The following IFIT3 variants were observed in gnomAD, a reference collection of about 807,000 sequenced individuals.
IFIT3 encodes interferon-induced protein with tetratricopeptide repeats 3.
IFIT3 carries 2 observed loss-of-function variants against 2.4 expected under a neutral mutation model. The ratio of observed to expected loss-of-function variants is 0.82; its 90% confidence interval spans 0.34 to 2.60. The LOEUF (loss-of-function observed/expected upper bound fraction) is 2.60, where lower values mean the gene tolerates loss of function less well. Among genes scored for constraint, IFIT3 ranks in the 30% most tolerant of loss-of-function variants. IFIT3 has a pLI of 0.11. For synonymous variants in IFIT3, 203 were observed against 212.1 expected (o/e 0.96, Z 0.37); for missense variants, 481 against 562.4 (o/e 0.86, Z 1.46).
intron 1 of IFIT3, among the ~76,000 whole-genome samples, chr10:89,331,608 C>T (rs1237231893): frequency 6.6e-6 from 1 of 152,082 alleles, no homozygotes; most frequent in Non-Finnish European, 1.5e-5. Flanking sequence ...ACCCATAAGC[C>T]CAACACTTTG....
chr10:89,336,993 T>C (rs1367610691), intron 1 of IFIT3, among the ~76,000 whole-genome samples: 1 of 152,222 alleles, frequency 6.6e-6, no homozygotes, highest in Non-Finnish European at 1.5e-5. Context: ...CTTTAGTATC[T>C]TCCAACTACA....
chr10:89,330,806 A>G (rs1345426363), intron 1 of IFIT3, among the ~76,000 whole-genome samples: 3 of 152,208 alleles, frequency 2.0e-5, no homozygotes, highest in African/African-American at 7.2e-5. Flanking sequence ...AATAAAGGGG[A>G]AAACTGCTTT....
At chr10:89,330,122 A>G (rs905986337) in intron 1 of IFIT3, among the ~76,000 whole-genome samples, 14 of 152,178 alleles carry the variant, frequency 9.2e-5, no homozygotes, top group African/African-American at 3.4e-4. Context: ...GGCCATCTGG[A>G]TGTGTACATG....
At position 89,339,635 on chromosome 10, in the gene IFIT3, A is replaced by G. The variant is rs1843819288; in HGVS notation, c.980A>G (p.Asn327Ser). 3 of 1,614,206 alleles carry G rather than the reference A, an allele frequency of 1.9e-6. No individual in the cohort carries two copies. The highest frequency in any genetic ancestry group is 2.5e-6 in the Non-Finnish European group (3 of 1,180,024). Reference sequence around the variant, plus strand: ...AATAAAGCTCTTGAGAAGGGACTGAATCCTCTGAATGCATACTCCGATCTC... The same window carrying G: ...AATAAAGCTCTTGAGAAGGGACTGAGTCCTCTGAATGCATACTCCGATCTC... ...YSNKALEKGLNPLNAYSDLAE... is the reference protein window; with the variant it reads ...YSNKALEKGLSPLNAYSDLAE... The change falls in exon 2 of 2, where the codon AAT becomes AGT. Residue 327 changes from asparagine to serine, a missense_variant. Transcript: ENST00000371818.
At chr10:89,332,033 A>C (rs6586184) in intron 1 of IFIT3, among the ~76,000 whole-genome samples, 95,389 of 151,954 alleles carry the variant, frequency 0.63, 32,563 homozygotes, top group East Asian at 0.94. Context: ...GAGTTCGAGA[A>C]CAGCCTGACC....
chr10:89,332,839 G>T (rs1382603709), intron 1 of IFIT3, among the ~76,000 whole-genome samples: 4 of 152,212 alleles, frequency 2.6e-5, no homozygotes, highest in African/African-American at 9.6e-5. Flanking sequence ...GGAGCTGGGA[G>T]CTGGGAAGGG....
chr10:89,331,394 A>G (rs1843648213), intron 1 of IFIT3, among the ~76,000 whole-genome samples: 1 of 152,106 alleles, frequency 6.6e-6, no homozygotes, highest in Non-Finnish European at 1.5e-5. Flanking sequence ...GTTGGTCTTG[A>G]ACTCCTGACC....
chr10:89,335,113 A>G (rs1589607450), intron 1 of IFIT3, among the ~76,000 whole-genome samples: 1 of 152,186 alleles, frequency 6.6e-6, no homozygotes, highest in South Asian at 2.1e-4. Flanking sequence ...GAGATCAAGT[A>G]TCAAATACCT....
intron 1 of IFIT3, 48 bp from the exon 2 acceptor site, chr10:89,338,613 A>C (rs1843786171): frequency 2.0e-6 from 3 of 1,534,844 alleles, no homozygotes; most frequent in Admixed American, 1.9e-5. Context: ...CACAGGGTGC[A>C]GTGCTTGGCA....
rs1359555277 is a variant in IFIT3 at position 89,334,480 on chromosome 10, T to C, written c.6-4181T>C. Among the ~76,000 whole-genome samples the C allele has an allele frequency of 1.8e-4, 3 of 17,016 alleles. No homozygotes were observed. In the East Asian group the frequency reaches 0.013, roughly 73 times the overall value. The allele number at this position is 17,016 out of a possible 152,430, so 11.2% of individuals were successfully genotyped here. A position where few individuals can be genotyped will look rare whatever the true frequency, so the allele number is the denominator to read the frequency against. On this transcript the variant is annotated intron_variant, in intron 1 of 1. Transcript: ENST00000371818. Reference sequence around the variant, plus strand: ...TTTTTTCTTCTTTTTCTTTTATTCTTTTTTTTTTTTTTTTTTTTTTTTTTT... The same window carrying C: ...TTTTTTCTTCTTTTTCTTTTATTCTCTTTTTTTTTTTTTTTTTTTTTTTTT...
intron 1 of IFIT3, among the ~76,000 whole-genome samples, chr10:89,334,324 C>T (rs1005996812): frequency 5.3e-5 from 8 of 151,950 alleles, no homozygotes; most frequent in African/African-American, 1.9e-4. Context: ...CTTATGTCTG[C>T]AATCCGAGGT....
rs1230024968 is a variant in IFIT3 at position 89,338,731 on chromosome 10, A to T, written c.76A>T (p.Lys26Ter). 6.2e-7 allele frequency: 1 copy of T among 1,613,714 alleles called. No homozygotes were observed. The highest frequency in any genetic ancestry group is 8.5e-7 in the Non-Finnish European group (1 of 1,179,726). ...ATGCCATTTCACCTGGAACTTATTC[A>T]AGGAAGACAGTGTCTCAAGGGATCT... ...LKCHFTWNLF[K>*]EDSVSRDLED... Residue 26 changes from lysine (K) to a stop codon, truncating the protein, a stop_gained, in exon 2 of 2, where the codon AAG (lysine) becomes TAG (stop). Coordinates refer to ENST00000371818, the MANE Select transcript of IFIT3 (RefSeq NM_001549.6). LOFTEE classifies it low-confidence loss of function (END_TRUNC).
Position 89,340,873 on chromosome 10 carries a change from G to A in IFIT3, c.*745G>A, listed in dbSNP as rs185044963. 66 of 152,194 alleles carry A rather than the reference G, an allele frequency of 4.3e-4. No individual in the cohort carries two copies. The highest frequency in any genetic ancestry group is 1.6e-3 in the African/African-American group (65 of 41,510). The allele number at this position is 152,194 out of a possible 1,614,324, so 9.4% of individuals were successfully genotyped here. ...ATCTCTTATCTCACTTATAGCTTCA[G>A]GCATGTATTTATATGTATTCTTGAT... On this transcript the variant is annotated 3_prime_UTR_variant, in exon 2 of 2. Transcript: ENST00000371818.
Position 89,338,775 on chromosome 10 carries a change from C to T in IFIT3, c.120C>T (p.Asn40=), listed in dbSNP as rs1843790884. ...VSRDLEDRVC[N]QIEFLNTEFK... ...GGGATCTAGAAGATAGAGTGTGTAA[C>T]CAGATTGAATTTTTAAACACTGAGT... is the stretch of plus-strand genomic sequence containing the variant. The change falls in exon 2 of 2, where the codon AAC becomes AAT. Residue 40 remains asparagine (N), a synonymous_variant. Transcript: ENST00000371818. The T allele has an allele frequency of 2.5e-6, 4 of 1,613,922 alleles. No individual in the cohort carries two copies. In the Admixed American group the frequency reaches 6.7e-5, roughly 27 times the overall value.
intron 1 of IFIT3, among the ~76,000 whole-genome samples, chr10:89,333,450 A>G (rs1843681152): frequency 6.6e-6 from 1 of 152,208 alleles, no homozygotes; most frequent in Non-Finnish European, 1.5e-5. Flanking sequence ...CCTTAAATGC[A>G]TACAAGGCTT....
chr10:89,334,546 A>AGT (rs71022561), intron 1 of IFIT3, among the ~76,000 whole-genome samples: 30,887 of 117,070 alleles, frequency 0.26, 3,890 homozygotes, highest in Middle Eastern at 0.4. Flanking sequence ...CCCAGGCTGG[A>AGT]GTGTAGTGGC....
At chr10:89,333,448 G>T (rs559081870) in intron 1 of IFIT3, among the ~76,000 whole-genome samples, 82 of 152,266 alleles carry the variant, frequency 5.4e-4, no homozygotes, top group Admixed American at 8.5e-4. Context: ...TTCCTTAAAT[G>T]CATACAAGGC....
chr10:89,339,800 G>T lies in IFIT3; in HGVS notation c.1145G>T (p.Gly382Val). Reference sequence around the variant, plus strand: ...TCTGAAGACACTGCTGTGCAACATGGTTTAGAGGGTTTGTCCATAAGCAAA... The same window carrying T: ...TCTGAAGACACTGCTGTGCAACATGTTTTAGAGGGTTTGTCCATAAGCAAA... ...GKSEDTAVQH[G>V]LEGLSISKKS... The change falls in exon 2 of 2, where the codon GGT (glycine) becomes GTT (valine). Residue 382 changes from glycine to valine, a missense_variant. Transcript: ENST00000371818. 6.2e-7 allele frequency: 1 copy of T among 1,614,172 alleles called. No homozygotes were observed. The highest frequency in any genetic ancestry group is 8.5e-7 in the Non-Finnish European group (1 of 1,180,022).
chr10:89,339,769 G>A lies in IFIT3; in HGVS notation c.1114G>A (p.Gly372Arg), dbSNP rs1323524631. 6.2e-7 allele frequency: 1 copy of A among 1,614,140 alleles called. No individual in the cohort carries two copies. Among genetic ancestry groups the A allele is most frequent in the Admixed American group, 1.7e-5 (1 of 60,014 alleles). ...CTACTGCAACCTTCAGAAATATAATGGGAAGTCTGAAGACACTGCTGTGCA... is the reference window on the plus strand; with the variant it reads ...CTACTGCAACCTTCAGAAATATAATAGGAAGTCTGAAGACACTGCTGTGCA... ...QRYCNLQKYN[G>R]KSEDTAVQHG... The change falls in exon 2 of 2, where the codon GGG (glycine) becomes AGG (arginine). Residue 372 changes from glycine to arginine, a missense_variant. Transcript: ENST00000371818.
Sources: gnomAD v4.1 joint callset for allele counts (sites outside exome capture counted in the v4.1 genomes callset) on GRCh38, gnomAD v4.1.1 for gene constraint, MANE v1.5 for transcripts, NCBI Gene and HGNC (gene_info 2026-07-23, HGNC 2026-07-21) for gene names.